EBF4: variants seen among roughly 807,000 people sequenced by gnomAD.
EBF4 encodes the protein EBF transcription factor 4.
EBF4 carries 34 observed loss-of-function variants against 67.1 expected under a neutral mutation model. The observed-to-expected ratio is 0.51, with a 90% CI of 0.39 to 0.67. EBF4 has a LOEUF of 0.67. Among genes scored for constraint, EBF4 ranks in the 30% least tolerant of loss-of-function variants. The probability of loss-of-function intolerance (pLI) is 0.00; values close to 1 mark genes in which losing one functional copy is unlikely to be tolerated. For missense variants in EBF4, 837 were observed against 873.3 expected (o/e 0.96, Z 0.52); for synonymous variants, 387 against 377.7 (o/e 1.02, Z -0.29).
At chr20:2,757,573 A>T (rs1252098687) in intron 15 of EBF4, among the ~76,000 whole-genome samples, 1 of 152,212 alleles carries the variant, frequency 6.6e-6, no homozygotes, top group Non-Finnish European at 1.5e-5. Context: ...TGGGGGAGGA[A>T]TGCCCTAGAT....
chr20:2,724,802 G>A (rs1004581022), intron 6 of EBF4, among the ~76,000 whole-genome samples: 1 of 152,172 alleles, frequency 6.6e-6, no homozygotes, highest in Non-Finnish European at 1.5e-5. Context: ...TACTTGGGTG[G>A]CTGAGGCAGG....
intron 1 of EBF4, among the ~76,000 whole-genome samples, chr20:2,694,111 G>T (rs1056748804): frequency 1.3e-5 from 2 of 152,348 alleles, no homozygotes; most frequent in Non-Finnish European, 1.5e-5. Flanking sequence ...ACAGCCACCG[G>T]CCGTCTAGGA....
intron 6 of EBF4, among the ~76,000 whole-genome samples, chr20:2,724,762 T>C (rs1713799425): frequency 6.6e-6 from 1 of 151,940 alleles, no homozygotes; most frequent in Non-Finnish European, 1.5e-5. Context: ...AAATTAGCCA[T>C]GTGTTGTGGT....
chr20:2,748,450 G>C, intron 6 of EBF4, 99 bp from the exon 7 acceptor site: 2 of 1,141,468 alleles, frequency 1.8e-6, no homozygotes, highest in Non-Finnish European at 2.5e-6. Context: ...AGGCAGAGGG[G>C]ACTCATCCTG....
upstream of EBF4, chr20:2,692,812 C>T: frequency 6.3e-6 from 1 of 158,434 alleles, no homozygotes; most frequent in Non-Finnish European, 1.3e-5. This position sits in a 1 kb window ranked among gnomAD's most constrained non-coding sequence, Gnocchi z 6.4. Flanking sequence ...GGAGCGGCGG[C>T]GGCGGCGGCG....
chr20:2,704,521 C>T (rs4815536), intron 1 of EBF4, among the ~76,000 whole-genome samples: 57,782 of 152,014 alleles, frequency 0.38, 11,129 homozygotes, highest in East Asian at 0.51. Context: ...ACAGCAGCAG[C>T]CTCTACACAT....
chr20:2,720,182 C>T (rs1444884937), intron 6 of EBF4, among the ~76,000 whole-genome samples: 4 of 152,124 alleles, frequency 2.6e-5, no homozygotes, highest in Admixed American at 1.3e-4. Context: ...CTGCAACCTC[C>T]GCCTCCCAGG....
At chr20:2,702,937 G>A (rs1440703053) in intron 1 of EBF4, among the ~76,000 whole-genome samples, 3 of 152,008 alleles carry the variant, frequency 2.0e-5, no homozygotes, top group Non-Finnish European at 2.9e-5. Context: ...TCATGTTTCC[G>A]AAACCATGAC....
chr20:2,714,175 C>T (rs2087578343), intron 6 of EBF4, among the ~76,000 whole-genome samples: 1 of 152,192 alleles, frequency 6.6e-6, no homozygotes, highest in East Asian at 1.9e-4. Flanking sequence ...TTCCGTTTCT[C>T]TTACTCTGAG....
chr20:2,751,840 G>T lies in EBF4; in HGVS notation c.1107+52G>T. The T allele has an allele frequency of 1.3e-6, 2 of 1,542,428 alleles. No homozygotes were observed. Among genetic ancestry groups the T allele is most frequent in the Admixed American group, 3.9e-5 (2 of 50,966 alleles). ...GGCTGAGGGTGTCCTGTGGGCAAGG[G>T]GGTGAGGAGGGGCTCCCGAGGGCCC... is the stretch of plus-strand genomic sequence containing the variant. On this transcript the variant is annotated intron_variant, in intron 11 of 16. Transcript: ENST00000609451. The surrounding 1 kb of genome is among the most constrained non-coding windows in gnomAD (Gnocchi z 5.2).
intron 6 of EBF4, among the ~76,000 whole-genome samples, chr20:2,724,323 C>G (rs1309760563): frequency 6.6e-6 from 1 of 152,160 alleles, no homozygotes; most frequent in East Asian, 1.9e-4. Context: ...AGCTGCATAT[C>G]ATTGTTATGC....
chr20:2,705,812 C>A (rs951450616), intron 2 of EBF4, 79 bp downstream of exon 2: 3 of 1,362,760 alleles, frequency 2.2e-6, no homozygotes, highest in African/African-American at 3.2e-5. Flanking sequence ...CACACACACA[C>A]ACACACACAC....
In EBF4 at chr20:2,747,019, G is replaced by C. The variant is rs115205476; in HGVS notation, c.558-1530G>C. On this transcript the variant is annotated intron_variant, in intron 6 of 16. Coordinates refer to ENST00000609451, the Ensembl canonical transcript of EBF4. The surrounding 1 kb of genome is among the most constrained non-coding windows in gnomAD (Gnocchi z 4.6). ...TACCAAGAGTTAAACAGGGCTGGGT[G>C]CAGTGGCTCATGCCTGTAATCCCAA... Among the ~76,000 whole-genome samples the C allele has an allele frequency of 6.2e-3, 951 of 152,334 alleles. 21 individuals are homozygous for C. The highest frequency in any genetic ancestry group is 0.022 in the African/African-American group (906 of 41,570).
At chr20:2,759,190 T>C (rs1462695933) in intron 16 of EBF4, 78 bp from the exon 17 acceptor site, 9 of 583,108 alleles carry the variant, frequency 1.5e-5, no homozygotes, top group Non-Finnish European at 2.7e-5. Flanking sequence ...GCTGACCAGG[T>C]AGAGAGAAGT....
rs1309996044 is a variant in EBF4, at chr20:2,747,802, T to G, written c.558-747T>G. On this transcript the variant is annotated intron_variant, in intron 6 of 16. Coordinates refer to ENST00000609451, the Ensembl canonical transcript of EBF4. This position sits in a 1 kb window ranked among gnomAD's most constrained non-coding sequence, Gnocchi z 4.6. Reference sequence around the variant, plus strand: ...TTCCTATTTCTCTGTGCATATACTGTGTAGGGTGGGCATACACCGTGCATG... The same window carrying G: ...TTCCTATTTCTCTGTGCATATACTGGGTAGGGTGGGCATACACCGTGCATG... 6.6e-6 allele frequency among the ~76,000 whole-genome samples: 1 copy of G among 152,224 alleles called. No homozygotes were observed. Among genetic ancestry groups the G allele is most frequent in the Non-Finnish European group, 1.5e-5 (1 of 68,042 alleles).
At chr20:2,706,409 C>A (rs2087460053) in intron 4 of EBF4, 145 bp downstream of exon 4, 2 of 920,566 alleles carry the variant, frequency 2.2e-6, no homozygotes, top group Admixed American at 2.1e-5. Flanking sequence ...GTTCCCACCC[C>A]AGCCTGTGCC....
At position 2,758,668 on chromosome 20, in the gene EBF4, C is replaced by T. The variant is rs537557858; in HGVS notation, c.1739-241C>T. ...AAGGAGGCCACCCTGGGAGAAGGAG[C>T]CTGGGGTCGTCTCTCTCTTGAGGGA... On this transcript the variant is annotated intron_variant, in intron 15 of 16. Transcript: ENST00000609451. Among the ~76,000 whole-genome samples the T allele has an allele frequency of 5.3e-5, 8 of 152,264 alleles. No individual in the cohort carries two copies. In the East Asian group the frequency reaches 1.4e-3, roughly 26 times the overall value.
chr20:2,751,747 G>C lies in EBF4; in HGVS notation c.1066G>C (p.Val356Leu). 6.5e-7 allele frequency: 1 copy of C among 1,547,052 alleles called. No individual in the cohort carries two copies. The highest frequency in any genetic ancestry group is 1.4e-5 in the African/African-American group (1 of 72,870). ...CTACGGATTCCAGAGGCTACAGAAA[G>C]TCATTCCCAGACACCCCGGAGACCC... Residue 356 changes from valine to leucine, a missense_variant, in exon 11 of 17, where the codon GTC becomes CTC. By Grantham distance (32) the Val-to-Leu change is conservative. Around this residue, in one of 3 missense-constraint regions of EBF4, gnomAD observed 525 missense variants for 496.5 expected, o/e 1.06. Coordinates refer to ENST00000609451, the Ensembl canonical transcript of EBF4. This position sits in a 1 kb window ranked among gnomAD's most constrained non-coding sequence, Gnocchi z 5.2.
At chr20:2,708,612 T>TGGAAGGCTGAGGCA (rs1305310921) in intron 5 of EBF4, among the ~76,000 whole-genome samples, 2 of 152,074 alleles carry the variant, frequency 1.3e-5, no homozygotes, top group African/African-American at 4.8e-5. Context: ...CCCAGCTACT[T>TGGAAGGCTGAGGCA]GGAAGGCTGA....
Sources: gnomAD v4.1 joint callset for allele counts (sites outside exome capture counted in the v4.1 genomes callset) on GRCh38, gnomAD v4.1.1 for gene constraint, gnomAD v4.1.1 regional missense constraint, Gnocchi (gnomAD v3.1) non-coding constraint, MANE v1.5 for transcripts, NCBI Gene and HGNC (gene_info 2026-07-23, HGNC 2026-07-21) for gene names.